MRI1: variants seen among roughly 807,000 people sequenced by gnomAD.
MRI1 encodes methylthioribose-1-phosphate isomerase.
In MRI1, 32 loss-of-function variants were observed where a neutral mutation model predicts 27.3. That is an observed-to-expected ratio of 1.17 (90% confidence interval 0.88 to 1.57). The LOEUF (loss-of-function observed/expected upper bound fraction) is 1.57. MRI1 is among the 40% of genes most tolerant of loss of function. The pLI is 0.00. For synonymous variants in MRI1, 216 were observed against 227.4 expected (o/e 0.95, Z 0.45); for missense variants, 508 against 516.1 (o/e 0.98, Z 0.15).
At chr19:13,767,883 T>TTTTTTTTTC (rs1974174981) in intron 3 of MRI1, among the ~76,000 whole-genome samples, 1 of 136,556 alleles carries the variant, frequency 7.3e-6, no homozygotes, top group African/African-American at 3.0e-5. Flanking sequence ...TTTTTTTTTT[T>TTTTTTTTTC]TTTGAGACAG....
At chr19:13,771,044 T>C (rs181376062) in intron 5 of MRI1, among the ~76,000 whole-genome samples, 349 of 151,718 alleles carry the variant, frequency 2.3e-3, no homozygotes, top group Non-Finnish European at 3.8e-3. Context: ...CTGGGCAACA[T>C]TGCCAGACCA....
intron 5 of MRI1, among the ~76,000 whole-genome samples, chr19:13,770,930 ATAT>A (rs1974256493): frequency 6.6e-6 from 1 of 152,130 alleles, no homozygotes; most frequent in Admixed American, 6.6e-5. Flanking sequence ...GCATGAACCA[ATAT>A]TAGCATTATG....
chr19:13,769,352 T>C (rs779915889), intron 5 of MRI1, among the ~76,000 whole-genome samples: 3 of 151,782 alleles, frequency 2.0e-5, no homozygotes, highest in Non-Finnish European at 4.4e-5. Flanking sequence ...TTAGTAGAGA[T>C]GAGGTTTCAA....
chr19:13,769,842 C>T (rs900153322), intron 5 of MRI1, among the ~76,000 whole-genome samples: 10 of 152,012 alleles, frequency 6.6e-5, no homozygotes, highest in South Asian at 6.2e-4. Flanking sequence ...ATCACTTGAA[C>T]CTGAGAGGCG....
At chr19:13,767,954 C>T (rs139476957) in intron 3 of MRI1, among the ~76,000 whole-genome samples, 6 of 146,726 alleles carry the variant, frequency 4.1e-5, no homozygotes, top group East Asian at 2.2e-4. Flanking sequence ...CTGCAAGCTC[C>T]GCCTCCCAGG....
intron 5 of MRI1, among the ~76,000 whole-genome samples, chr19:13,770,522 G>A (rs1478829168): frequency 2.6e-5 from 4 of 151,994 alleles, no homozygotes; most frequent in African/African-American, 9.7e-5. Flanking sequence ...AGGACGCAGA[G>A]GTTGCAGTAA....
At position 13,764,623 on chromosome 19, in the gene MRI1, C is replaced by T. The variant is rs137877795; in HGVS notation, c.35C>T (p.Ser12Phe). Residue 12 changes from serine (S) to phenylalanine (F), a missense_variant, in exon 1 of 6, where the codon TCC becomes TTC. Physicochemically the swap from Ser to Phe is radical, Grantham distance 155. This residue lies in a region of MRI1 where 32 missense variants were observed against 20.2 expected (regional missense o/e 1.58). Coordinates refer to ENST00000040663, the MANE Select transcript of MRI1 (RefSeq NM_001031727.4). ...GAGGCGATCCGCTACTCGCGGGGCTCCCTGCAGATCCTAGACCAGCTGCTG... is the reference window on the plus strand; with the variant it reads ...GAGGCGATCCGCTACTCGCGGGGCTTCCTGCAGATCCTAGACCAGCTGCTG... ...TLEAIRYSRG[S>F]LQILDQLLLP... 3,874 of 1,609,506 alleles carry T rather than the reference C, an allele frequency of 2.4e-3. 9 individuals carry two copies. Among genetic ancestry groups the T allele is most frequent in the Non-Finnish European group, 3.2e-3 (3,723 of 1,179,328 alleles).
intron 2 of MRI1, among the ~76,000 whole-genome samples, chr19:13,765,478 C>T (rs557584751): frequency 6.6e-6 from 1 of 152,028 alleles, no homozygotes; most frequent in Non-Finnish European, 1.5e-5. Flanking sequence ...CATCTTTTTC[C>T]CCCCACTTCC....
chr19:13,764,782 GC>G (rs2145187562), intron 1 of MRI1, 62 bp downstream of exon 1: 2 of 1,102,382 alleles, frequency 1.8e-6, no homozygotes, highest in Non-Finnish European at 2.3e-6. Flanking sequence ...CGGCGGGGCG[GC>G]GGGGCGGCGG....
rs1974304766 is a variant in MRI1, at chr19:13,773,082, C to T, written c.*801C>T. 2 of 151,466 alleles carry T rather than the reference C, an allele frequency of 1.3e-5. No individual in the cohort carries two copies. Among genetic ancestry groups the T allele is most frequent in the Non-Finnish European group, 2.9e-5 (2 of 67,920 alleles). 9.4% of individuals were successfully genotyped at this position (151,466 alleles called of 1,614,324 possible). On this transcript the variant is annotated 3_prime_UTR_variant, in exon 6 of 6. Coordinates refer to ENST00000040663, the MANE Select transcript of MRI1 (RefSeq NM_001031727.4). Reference sequence around the variant, plus strand: ...GGAATGTAGAGGCGAGATCTCAGCTCACTGAAACCTGTGCCTCCCCGGTTC... The same window carrying T: ...GGAATGTAGAGGCGAGATCTCAGCTTACTGAAACCTGTGCCTCCCCGGTTC...
In MRI1 at chr19:13,766,402, T is replaced by A. The variant is rs912434288; in HGVS notation, c.547+273T>A. On this transcript the variant is annotated intron_variant, in intron 3 of 5. Transcript: ENST00000040663. ...CAGGCGGCTGTTAGGGTCCAAATCA[T>A]GAGGAAAAGAGCCTCCTATACTAGA... Among the ~76,000 whole-genome samples, 3 of 152,060 alleles carry A rather than the reference T, an allele frequency of 2.0e-5. No individual in the cohort carries two copies. The East Asian group carries it at 5.8e-4, about 29-fold the overall frequency.
At chr19:13,767,962 A>G (rs1352880162) in intron 3 of MRI1, among the ~76,000 whole-genome samples, 2 of 135,592 alleles carry the variant, frequency 1.5e-5, no homozygotes, top group Non-Finnish European at 3.0e-5. Context: ...TCCGCCTCCC[A>G]GGTTCACGCC....
At chr19:13,767,192 G>A (rs572643042) in intron 3 of MRI1, among the ~76,000 whole-genome samples, 3 of 151,124 alleles carry the variant, frequency 2.0e-5, no homozygotes, top group South Asian at 2.1e-4. Flanking sequence ...GATTATAGGC[G>A]TGAGCCACTA....
chr19:13,772,921 C>G lies in MRI1; in HGVS notation c.*640C>G, dbSNP rs1305447512. ...CTCCCTCTTAAGGTCAGGGCTGGAG[C>G]TAGGGTGACATCTCCAGGGCAGAAT... On this transcript the variant is annotated 3_prime_UTR_variant, in exon 6 of 6. Coordinates refer to ENST00000040663, the MANE Select transcript of MRI1 (RefSeq NM_001031727.4). 6.6e-6 allele frequency: 1 copy of G among 151,756 alleles called. No homozygotes were observed. The highest frequency in any genetic ancestry group is 1.9e-4 in the East Asian group (1 of 5,196). 9.4% of individuals were successfully genotyped at this position (151,756 alleles called of 1,614,324 possible).
Position 13,764,550 on chromosome 19 carries a change from T to C in MRI1, c.-39T>C, listed in dbSNP as rs767127949. On this transcript the variant is annotated 5_prime_UTR_variant, in exon 1 of 6. Coordinates refer to ENST00000040663, the MANE Select transcript of MRI1 (RefSeq NM_001031727.4). ...CCGCTCCCAAGTGCGCGCGGACCCC[T>C]AGCTCCCTCTGAGTTGCGCTGGGCT... is the stretch of plus-strand genomic sequence containing the variant. 7.5e-6 allele frequency: 12 copies of C among 1,593,348 alleles called. No homozygotes were observed. The highest frequency in any genetic ancestry group is 4.4e-5 in the South Asian group (4 of 90,918).
chr19:13,764,992 T>G lies in MRI1; in HGVS notation c.254T>G (p.Phe85Cys). The stretch of plus-strand genomic sequence containing the variant: ...GCCTTCGTGCGCGACAAGCTGAGCT[T>G]CCTCGTCACCGCCCGGCCCACCGCT... ...LVAFVRDKLS[F>C]LVTARPTAVN... The change falls in exon 2 of 6, where the codon TTC (phenylalanine) becomes TGC (cysteine). Residue 85 changes from phenylalanine to cysteine, a missense_variant. Physicochemically the swap from Phe to Cys is radical, Grantham distance 205. Coordinates refer to ENST00000040663, the MANE Select transcript of MRI1 (RefSeq NM_001031727.4). 3.9e-6 allele frequency: 6 copies of G among 1,521,480 alleles called. No homozygotes were observed. Among genetic ancestry groups the G allele is most frequent in the Non-Finnish European group, 3.5e-6 (4 of 1,140,384 alleles). The allele number at this position is 1,521,480 out of a possible 1,614,324, so 94.2% of individuals were successfully genotyped here.
chr19:13,767,038 T>TATATATATATA (rs1491251073), intron 3 of MRI1, among the ~76,000 whole-genome samples: 18 of 14,408 alleles, frequency 1.2e-3, no homozygotes, highest in East Asian at 4.8e-3. Flanking sequence ...TATATATATA[T>TATATATATATA]TTTTTTTTTT....
Position 13,768,864 on chromosome 19 carries a change from C to T in MRI1, c.765C>T (p.Asp255=). Residue 255 remains aspartate (D), a synonymous_variant, in exon 5 of 6, where the codon GAC becomes GAT. Transcript: ENST00000040663. The stretch of plus-strand genomic sequence containing the variant: ...CTGACCGCGTGGTTGCCAACGGCGA[C>T]ACAGCCAACAAGGTGGGCACCTACC... ...VGADRVVANG[D]TANKVGTYQL... is the part of the protein sequence containing the mutation. The T allele has an allele frequency of 6.2e-7, 1 of 1,611,826 alleles. No individual in the cohort carries two copies.
At chr19:13,768,394 A>G (rs1171864482) in intron 3 of MRI1, 167 bp from the exon 4 acceptor site, 2 of 1,535,688 alleles carry the variant, frequency 1.3e-6, no homozygotes, top group East Asian at 2.4e-5. Flanking sequence ...TGGGAAGAGC[A>G]TACCAGGCAG....
Sources: allele counts gnomAD v4.1 joint callset (sites outside exome capture counted in the v4.1 genomes callset), GRCh38; gene constraint gnomAD v4.1.1; regional missense constraint gnomAD v4.1.1; transcripts MANE v1.5; gene names NCBI Gene and HGNC (gene_info 2026-07-23, HGNC 2026-07-21).